Variants in PABPC4L observed in about 807,000 individuals in gnomAD.
The protein encoded by PABPC4L is polyadenylate-binding protein 4-like.
For synonymous variants in PABPC4L, 169 were observed against 164.1 expected, an observed-to-expected ratio of 1.03 and a Z score of -0.23; for missense variants, 452 against 451.4, an observed-to-expected ratio of 1.00 and a Z score of -0.01.
At chr4:134,180,674 A>G in the PABPC4L span, among the ~76,000 whole-genome samples, 2 of 151,606 alleles carry the variant, frequency 1.3e-5, no homozygotes, top group South Asian at 2.1e-4. Flanking sequence ...CCAAATAAAT[A>G]CAAGCAGAAA....
chr4:134,034,445 A>G, the PABPC4L span, among the ~76,000 whole-genome samples: 1 of 152,024 alleles, frequency 6.6e-6, no homozygotes, highest in Admixed American at 6.6e-5. Flanking sequence ...TATATTTTGT[A>G]AGGCTACAGC....
the PABPC4L span, among the ~76,000 whole-genome samples, chr4:134,112,245 G>A: frequency 6.6e-6 from 1 of 152,008 alleles, no homozygotes; most frequent in Non-Finnish European, 1.5e-5. Context: ...GAATGAAGTA[G>A]CTATGCAAAG....
the PABPC4L span, among the ~76,000 whole-genome samples, chr4:134,092,147 A>G: frequency 6.6e-6 from 1 of 151,980 alleles, no homozygotes; most frequent in Non-Finnish European, 1.5e-5. Flanking sequence ...CCCCACTCAC[A>G]AGCCTGGGCC....
At chr4:134,157,207 T>G in the PABPC4L span, among the ~76,000 whole-genome samples, 2 of 151,708 alleles carry the variant, frequency 1.3e-5, no homozygotes, top group African/African-American at 2.4e-5. Context: ...GGAAGAATTT[T>G]TTGTTTTCAA....
At chr4:133,967,999 T>C in the PABPC4L span, among the ~76,000 whole-genome samples, 24 of 152,208 alleles carry the variant, frequency 1.6e-4, no homozygotes, top group Admixed American at 5.9e-4. Flanking sequence ...GAAAAGAGTG[T>C]AACAGATTCC....
the PABPC4L span, among the ~76,000 whole-genome samples, chr4:133,957,883 T>G: frequency 2.0e-5 from 3 of 152,208 alleles, no homozygotes; most frequent in African/African-American, 7.2e-5. Context: ...CCTGGGATGC[T>G]GGGTGCCATG....
the PABPC4L span, among the ~76,000 whole-genome samples, chr4:133,984,422 T>A: frequency 6.6e-6 from 1 of 151,858 alleles, no homozygotes; most frequent in African/African-American, 2.4e-5. Context: ...AAATGTAAAT[T>A]CAAAAATGGC....
At chr4:134,063,140 A>C in the PABPC4L span, among the ~76,000 whole-genome samples, 1 of 152,042 alleles carries the variant, frequency 6.6e-6, no homozygotes, top group Non-Finnish European at 1.5e-5. Context: ...GAAAGAAGAA[A>C]AGTCTCAAAA....
chr4:134,163,795 C>T, the PABPC4L span, among the ~76,000 whole-genome samples: 1 of 152,056 alleles, frequency 6.6e-6, no homozygotes, highest in Non-Finnish European at 1.5e-5. Context: ...ATTCCAGTAT[C>T]TCTTTATTAT....
chr4:134,027,328 G>A, the PABPC4L span, among the ~76,000 whole-genome samples: 2 of 152,066 alleles, frequency 1.3e-5, no homozygotes, highest in Non-Finnish European at 2.9e-5. Context: ...GTGGTCACAG[G>A]GAGAGAGACA....
chr4:134,189,735 T>C, the PABPC4L span, among the ~76,000 whole-genome samples: 3 of 152,144 alleles, frequency 2.0e-5, no homozygotes, highest in African/African-American at 7.2e-5. Context: ...ATGAACTTCA[T>C]AAATGCTTTC....
chr4:133,965,178 A>T, the PABPC4L span, among the ~76,000 whole-genome samples: 7 of 152,112 alleles, frequency 4.6e-5, no homozygotes, highest in African/African-American at 1.7e-4. Context: ...ATCAATAGTG[A>T]CCAAGCAGCA....
In PABPC4L at chr4:134,198,460, G is replaced by C. The variant is rs891292688; in HGVS notation, c.*1447C>G. ...CAAATTTTTCTCATTCATAAGCTGA[G>C]GTATTGCCAAAAAATATTTTACTAT... On this transcript the variant is annotated 3_prime_UTR_variant, in exon 2 of 2. Coordinates refer to ENST00000421491, the MANE Select transcript of PABPC4L (RefSeq NM_001114734.2). 21 of 151,112 alleles carry C rather than the reference G, an allele frequency of 1.4e-4. No individual in the cohort carries two copies. The highest frequency in any genetic ancestry group is 3.6e-4 in the African/African-American group (15 of 41,266). 9.4% of individuals were successfully genotyped at this position (151,112 alleles called of 1,614,324 possible).
At chr4:133,980,902 AAT>A in the PABPC4L span, among the ~76,000 whole-genome samples, 1 of 152,248 alleles carries the variant, frequency 6.6e-6, no homozygotes, top group Non-Finnish European at 1.5e-5. Flanking sequence ...TCACGCCTGT[AAT>A]CCCAAAACTT....
chr4:134,045,187 T>C, the PABPC4L span, among the ~76,000 whole-genome samples: 3 of 152,160 alleles, frequency 2.0e-5, no homozygotes, highest in East Asian at 1.9e-4. Flanking sequence ...CTAAAACTGA[T>C]AGATTGCACA....
At chr4:134,042,492 G>A in the PABPC4L span, among the ~76,000 whole-genome samples, 119 of 151,964 alleles carry the variant, frequency 7.8e-4, no homozygotes, top group African/African-American at 2.4e-3. Context: ...ATTATGTTTC[G>A]TTCTCAAAAC....
the PABPC4L span, among the ~76,000 whole-genome samples, chr4:133,981,186 A>G: frequency 5.3e-5 from 8 of 151,812 alleles, no homozygotes; most frequent in Non-Finnish European, 1.0e-4. Flanking sequence ...AGTAACAAAT[A>G]TTTTCAAGAT....
At chr4:133,974,813 C>A in the PABPC4L span, among the ~76,000 whole-genome samples, 1 of 152,014 alleles carries the variant, frequency 6.6e-6, no homozygotes, top group Non-Finnish European at 1.5e-5. Flanking sequence ...TCGACACCTA[C>A]TAATATTGCT....
the PABPC4L span, among the ~76,000 whole-genome samples, chr4:134,022,500 T>G: frequency 6.6e-6 from 1 of 152,098 alleles, no homozygotes; most frequent in Non-Finnish European, 1.5e-5. Context: ...AGATAAATAT[T>G]TTCTTAACTG....
Sources: allele counts gnomAD v4.1 joint callset (sites outside exome capture counted in the v4.1 genomes callset), GRCh38; gene constraint gnomAD v4.1.1; transcripts MANE v1.5; gene names NCBI Gene and HGNC (gene_info 2026-07-23, HGNC 2026-07-21).